The following MAPRE2 variants were observed in gnomAD, a reference collection of about 807,000 sequenced individuals.
The protein encoded by MAPRE2 is microtubule associated protein RP/EB family member 2.
Under a neutral mutation model 43.2 loss-of-function variants are expected in MAPRE2, and 13 were observed. That is an observed-to-expected ratio of 0.30 (90% CI 0.20 to 0.48). The LOEUF (loss-of-function observed/expected upper bound fraction) is 0.48, where lower values mean the gene tolerates loss of function less well. Ranked by LOEUF, MAPRE2 falls within the 20% of genes least tolerant of loss-of-function variation. MAPRE2 has a pLI of 0.99. For synonymous variants in MAPRE2, 135 were observed against 148.8 expected, an observed-to-expected ratio of 0.91 and a Z score of 0.68; for missense variants, 161 against 400.2, an observed-to-expected ratio of 0.40 and a Z score of 5.10.
chr18:34,985,108 ATAT>A (rs1486917846), intron 1 of MAPRE2, among the ~76,000 whole-genome samples: 2 of 87,860 alleles, frequency 2.3e-5, no homozygotes, highest in Non-Finnish European at 3.9e-5. Flanking sequence ...TAATATATAA[ATAT>A]TATATACTAT....
chr18:35,108,593 G>C (rs1909020161), intron 4 of MAPRE2, among the ~76,000 whole-genome samples: 1 of 152,106 alleles, frequency 6.6e-6, no homozygotes, highest in Non-Finnish European at 1.5e-5. Flanking sequence ...CACCAACAGT[G>C]TAAAAACATT....
Position 35,019,453 on chromosome 18 carries a change from T to C in MAPRE2, c.-8+13900T>C, listed in dbSNP as rs576820375. On this transcript the variant is annotated intron_variant, in intron 2 of 7. Transcript: ENST00000413393. Reference sequence around the variant, plus strand: ...AAGTGTTGAATTTGAGTCCGGAATTTGTCAGTTTTCTGCCTCAATGATCTA... The same window carrying C: ...AAGTGTTGAATTTGAGTCCGGAATTCGTCAGTTTTCTGCCTCAATGATCTA... 1.1e-4 allele frequency among the ~76,000 whole-genome samples: 17 copies of C among 152,168 alleles called. No individual in the cohort carries two copies. The South Asian group carries it at 2.1e-3, about 19-fold the overall frequency.
At chr18:35,061,555 C>T (rs1250074934) in intron 1 of MAPRE2, among the ~76,000 whole-genome samples, 4 of 151,916 alleles carry the variant, frequency 2.6e-5, no homozygotes, top group African/African-American at 7.3e-5. Flanking sequence ...CATAGAGCCC[C>T]GTAAAAATAA....
At chr18:35,110,967 C>A (rs1476315485) in intron 4 of MAPRE2, among the ~76,000 whole-genome samples, 1 of 152,098 alleles carries the variant, frequency 6.6e-6, no homozygotes, top group African/African-American at 2.4e-5. Flanking sequence ...CATTATGCTT[C>A]CTGAGTCTGT....
At chr18:34,992,313 C>G (rs1328765455) in intron 1 of MAPRE2, among the ~76,000 whole-genome samples, 1 of 152,194 alleles carries the variant, frequency 6.6e-6, no homozygotes, top group Non-Finnish European at 1.5e-5. Flanking sequence ...AACTACCCCT[C>G]TTAGTTCAAA....
intron 1 of MAPRE2, among the ~76,000 whole-genome samples, chr18:34,977,732 G>T (rs1228918515): frequency 2.6e-5 from 4 of 152,200 alleles, no homozygotes; most frequent in Non-Finnish European, 5.9e-5. Flanking sequence ...GTTATTCTGC[G>T]CCCAAGCATC....
rs571763738 is a variant in MAPRE2 at position 35,096,292 on chromosome 18, T to C, written c.251-1154T>C. ...AGAGAGAGACCAAGAGATCTGGAGA[T>C]AGCAAAGAAAGAATGAACCTAAAAA... is the stretch of plus-strand genomic sequence containing the variant. On this transcript the variant is annotated intron_variant, in intron 2 of 6. Coordinates refer to ENST00000300249, the MANE Select transcript of MAPRE2 (RefSeq NM_014268.4). Among the ~76,000 whole-genome samples, 29 of 152,296 alleles carry C rather than the reference T, an allele frequency of 1.9e-4. No individual in the cohort carries two copies. The South Asian group carries it at 5.8e-3, about 30-fold the overall frequency.
At chr18:35,040,984 T>C (rs546248863), upstream of MAPRE2, among the ~76,000 whole-genome samples, 7 of 152,324 alleles carry the variant, frequency 4.6e-5, no homozygotes, top group African/African-American at 1.4e-4. Context: ...GGCCACCAGG[T>C]CCTTTTTAGG....
chr18:35,138,996 C>G (rs1167679403), intron 6 of MAPRE2, among the ~76,000 whole-genome samples: 1 of 152,122 alleles, frequency 6.6e-6, no homozygotes, highest in African/African-American at 2.4e-5. Context: ...AGATGTGGCA[C>G]CGAGAATCCG....
At chr18:35,007,603 G>A (rs1267383213) in intron 2 of MAPRE2, among the ~76,000 whole-genome samples, 1 of 152,214 alleles carries the variant, frequency 6.6e-6, no homozygotes, top group Non-Finnish European at 1.5e-5. Flanking sequence ...GACTATACTT[G>A]GCCTGCAGGC....
At chr18:35,072,202 A>G (rs2144107665) in intron 2 of MAPRE2, among the ~76,000 whole-genome samples, 1 of 152,356 alleles carries the variant, frequency 6.6e-6, no homozygotes, top group Non-Finnish European at 1.5e-5. Context: ...AGTTTCTGTT[A>G]TTAGCAATCA....
intron 1 of MAPRE2, among the ~76,000 whole-genome samples, chr18:34,984,015 GA>G (rs67221309): frequency 0.25 from 38,622 of 152,046 alleles, 4,935 homozygotes; most frequent in African/African-American, 0.26. Context: ...ATACTAAAAG[GA>G]TATACACGGT....
chr18:34,998,956 T>G lies in MAPRE2; in HGVS notation c.-69-6536T>G, dbSNP rs185144557. Among the ~76,000 whole-genome samples, 3 of 152,190 alleles carry G rather than the reference T, an allele frequency of 2.0e-5. No individual in the cohort carries two copies. In the South Asian group the frequency reaches 6.2e-4, roughly 32 times the overall value. ...CTGTCAGTCTTACTTAGATTTCACATGTAACCCTTAGTATGTTACTGTGTT... is the reference window on the plus strand; with the variant it reads ...CTGTCAGTCTTACTTAGATTTCACAGGTAACCCTTAGTATGTTACTGTGTT... On this transcript the variant is annotated intron_variant, in intron 1 of 7. Coordinates refer to the MAPRE2 transcript ENST00000413393.
chr18:35,002,320 G>A (rs1322014495), intron 1 of MAPRE2, among the ~76,000 whole-genome samples: 3 of 152,124 alleles, frequency 2.0e-5, no homozygotes, highest in East Asian at 1.9e-4. Flanking sequence ...GATGCAGCAC[G>A]GTTTGTTTAA....
intron 1 of MAPRE2, among the ~76,000 whole-genome samples, chr18:34,983,374 C>T (rs1034970755): frequency 2.6e-5 from 4 of 152,130 alleles, no homozygotes; most frequent in Non-Finnish European, 5.9e-5. Context: ...AACTAGTAAC[C>T]GTTTCCAGAG....
chr18:34,992,505 A>G (rs781591051), intron 1 of MAPRE2, among the ~76,000 whole-genome samples: 5 of 152,238 alleles, frequency 3.3e-5, no homozygotes, highest in Non-Finnish European at 7.3e-5. Context: ...TGGTCTCATA[A>G]TAAAATGAAA....
intron 2 of MAPRE2, among the ~76,000 whole-genome samples, chr18:35,027,647 C>A (rs960378173): frequency 6.6e-6 from 1 of 152,160 alleles, no homozygotes; most frequent in African/African-American, 2.4e-5. Flanking sequence ...TATTTTAATC[C>A]ACCAAGTTTA....
intron 4 of MAPRE2, 125 bp from the exon 5 acceptor site, chr18:35,126,823 G>A (rs1909924707): frequency 1.3e-6 from 1 of 778,096 alleles, no homozygotes. Flanking sequence ...TTCTATATGG[G>A]AAGGGATCAC....
intron 4 of MAPRE2, among the ~76,000 whole-genome samples, chr18:35,122,363 C>G (rs1909717585): frequency 2.6e-5 from 4 of 152,124 alleles, no homozygotes; most frequent in Admixed American, 2.6e-4. Flanking sequence ...TCGGAAGATA[C>G]TAAGATCTTT....
Sources: allele counts gnomAD v4.1 joint callset (sites outside exome capture counted in the v4.1 genomes callset), GRCh38; gene constraint gnomAD v4.1.1; transcripts MANE v1.5; gene names NCBI Gene and HGNC (gene_info 2026-07-23, HGNC 2026-07-21).